ZNF880: variants seen among roughly 807,000 people sequenced by gnomAD.
ZNF880 encodes zinc finger protein LOC400713.
In ZNF880, 12 loss-of-function variants were observed where a neutral mutation model predicts 11.8. The observed-to-expected ratio is 1.02, with a 90% confidence interval of 0.65 to 1.65. The LOEUF (loss-of-function observed/expected upper bound fraction) is 1.65. Among genes scored for constraint, ZNF880 ranks in the 40% most tolerant of loss-of-function variants. The pLI is 0.00. For synonymous variants in ZNF880, 210 were observed against 232.4 expected (o/e 0.90, Z 0.88); for missense variants, 601 against 673.9 (o/e 0.89, Z 1.20).
intron 3 of ZNF880, 53 bp from the exon 4 acceptor site, chr19:52,383,796 C>G (rs1986769567): frequency 2.0e-6 from 3 of 1,476,346 alleles, no homozygotes; most frequent in Non-Finnish European, 2.7e-6. Flanking sequence ...CTGTCAGACA[C>G]TGAACATGCC....
In ZNF880 at chr19:52,373,097, GT is replaced by G; in HGVS notation, c.13-9del. ...GTGTGATATCCTGTTGGTGAAATGT[GT>G]TTTTCATTTTAGGGACACTTGGCAT... On this transcript the variant is annotated splice_polypyrimidine_tract_variant and intron_variant, in intron 1 of 3. Transcript: ENST00000422689. 1 of 1,611,372 alleles carries G rather than the reference GT, an allele frequency of 6.2e-7. No homozygotes were observed. Among genetic ancestry groups the G allele is most frequent in the South Asian group, 1.1e-5 (1 of 91,058 alleles).
At position 52,384,480 on chromosome 19, in the gene ZNF880, G is replaced by A. The variant is rs748856871; in HGVS notation, c.900G>A (p.Glu300=). The A allele has an allele frequency of 1.2e-6, 2 of 1,612,540 alleles. No individual in the cohort carries two copies. The highest frequency in any genetic ancestry group is 1.7e-6 in the Non-Finnish European group (2 of 1,179,602). Residue 300 remains glutamate (E), a synonymous_variant, in exon 4 of 4, where the codon GAG becomes GAA. Transcript: ENST00000422689. The part of the protein sequence containing the change: ...HTGEKPYKCN[E]CGKVFNRNAH... ...GAGAGAAACCTTACAAATGTAATGA[G>A]TGTGGCAAGGTCTTCAACAGAAATG...
Position 52,385,378 on chromosome 19 carries a change from T to C in ZNF880, c.*64T>C. The C allele has an allele frequency of 6.7e-7, 1 of 1,498,280 alleles. No individual in the cohort carries two copies. The highest frequency in any genetic ancestry group is 9.0e-7 in the Non-Finnish European group (1 of 1,112,264). The allele number at this position is 1,498,280 out of a possible 1,614,324, so 92.8% of individuals were successfully genotyped here. On this transcript the variant is annotated 3_prime_UTR_variant, in exon 4 of 4. Coordinates refer to ENST00000422689, the MANE Select transcript of ZNF880 (RefSeq NM_001145434.2). ...TGCACAGCATGAGATAATTCATTCA[T>C]GAGAGAGTTCTTACAAACTGAGTAT... is the stretch of plus-strand genomic sequence containing the variant.
intron 2 of ZNF880, among the ~76,000 whole-genome samples, chr19:52,373,471 T>C (rs908487664): frequency 2.0e-5 from 3 of 152,124 alleles, no homozygotes; most frequent in African/African-American, 4.8e-5. Flanking sequence ...TCTGGCCCCT[T>C]TGAGATTCAT....
intron 3 of ZNF880, among the ~76,000 whole-genome samples, chr19:52,381,490 G>A (rs1807861811): frequency 6.6e-6 from 1 of 152,112 alleles, no homozygotes; most frequent in Admixed American, 6.5e-5. Context: ...ATTAAAGGGA[G>A]TTTCTTGCAG....
rs777694875 is a variant in ZNF880 at position 52,384,116 on chromosome 19, T to C, written c.536T>C (p.Ile179Thr). 2 of 1,599,516 alleles carry C rather than the reference T, an allele frequency of 1.3e-6. No individual in the cohort carries two copies. The highest frequency in any genetic ancestry group is 1.3e-5 in the African/African-American group (1 of 74,532). ...CTCCCACAAGAACAAAAAGCACAAATAAGGGAAAAACCGTGTGAATGTAAT... is the reference window on the plus strand; with the variant it reads ...CTCCCACAAGAACAAAAAGCACAAACAAGGGAAAAACCGTGTGAATGTAAT... ...PFLPQEQKAQ[I>T]REKPCECNEH... Residue 179 changes from isoleucine to threonine, a missense_variant, in exon 4 of 4, where the codon ATA becomes ACA. By Grantham distance (89) the Ile-to-Thr change is moderately conservative (BLOSUM62 -1). Transcript: ENST00000422689.
At chr19:52,381,213 G>C (rs763445909) in intron 3 of ZNF880, among the ~76,000 whole-genome samples, 10 of 152,070 alleles carry the variant, frequency 6.6e-5, no homozygotes, top group Admixed American at 1.3e-4. Context: ...GCCTCCCAAA[G>C]GGCTGTGATT....
chr19:52,386,757 G>A (rs12977007), downstream of ZNF880, among the ~76,000 whole-genome samples: 59,773 of 128,418 alleles, frequency 0.47, 16,964 homozygotes, highest in Middle Eastern at 0.59. Context: ...AGCCAAGATC[G>A]CACCATTGCA....
chr19:52,370,259 G>T (rs771429166), intron 1 of ZNF880: 44 of 474,166 alleles, frequency 9.3e-5, no homozygotes, highest in South Asian at 3.0e-4. Flanking sequence ...GACACGGCCC[G>T]CGCTGCGTAA....
At chr19:52,379,253 T>A (rs534826120) in intron 3 of ZNF880, among the ~76,000 whole-genome samples, 1 of 152,274 alleles carries the variant, frequency 6.6e-6, no homozygotes, top group Non-Finnish European at 1.5e-5. Context: ...GCCTAGGAGT[T>A]TATGTAACAC....
intron 2 of ZNF880, among the ~76,000 whole-genome samples, chr19:52,373,885 A>G (rs908258023): frequency 6.6e-6 from 1 of 150,672 alleles, no homozygotes; most frequent in Non-Finnish European, 1.5e-5. Flanking sequence ...TGGTCAGGCT[A>G]GTCTTGAACT....
chr19:52,369,832 C>G (rs1240192446), upstream of ZNF880: 1 of 1,178,992 alleles, frequency 8.5e-7, no homozygotes, highest in Non-Finnish European at 1.2e-6. Flanking sequence ...GCCTCCAAAA[C>G]GAGACGAGCT....
intron 3 of ZNF880, among the ~76,000 whole-genome samples, chr19:52,378,505 G>A (rs1195670391): frequency 6.6e-6 from 1 of 151,986 alleles, no homozygotes; most frequent in East Asian, 1.9e-4. Flanking sequence ...AAATTAGCTG[G>A]GTGTGGTGGT....
At chr19:52,382,205 AGGG>A (rs1010938358) in intron 3 of ZNF880, among the ~76,000 whole-genome samples, 1 of 152,000 alleles carries the variant, frequency 6.6e-6, no homozygotes, top group South Asian at 2.1e-4. Context: ...TGAGCTTGGG[AGGG>A]GGAGGTTGCA....
intron 3 of ZNF880, among the ~76,000 whole-genome samples, chr19:52,380,644 G>A (rs1247282654): frequency 6.6e-6 from 1 of 152,012 alleles, no homozygotes; most frequent in African/African-American, 2.4e-5. Flanking sequence ...CACAATCATT[G>A]TCTTGTAGTG....
At chr19:52,389,111 C>G (rs996467780), downstream of ZNF880, 5 of 152,132 alleles carry the variant, frequency 3.3e-5, no homozygotes, top group African/African-American at 1.2e-4. Flanking sequence ...AGCTGCAATT[C>G]AAGATGAGAT....
chr19:52,393,900 G>A, the ZNF880 span, among the ~76,000 whole-genome samples: 67 of 141,252 alleles, frequency 4.7e-4, no homozygotes, highest in South Asian at 6.0e-3. Flanking sequence ...GCAGTGGCGC[G>A]ATCTCAGCTC....
At chr19:52,392,604 G>T in the ZNF880 span, 1 of 173,922 alleles carries the variant, frequency 5.7e-6, no homozygotes, top group Non-Finnish European at 1.4e-5. Flanking sequence ...CCCAGCCCAG[G>T]GCTTGAGTTT....
chr19:52,392,956 G>A, the ZNF880 span, among the ~76,000 whole-genome samples: 32 of 152,016 alleles, frequency 2.1e-4, no homozygotes, highest in Non-Finnish European at 2.6e-4. Flanking sequence ...CAAACTGGTG[G>A]GATTACAGGT....
Sources: allele counts gnomAD v4.1 joint callset (sites outside exome capture counted in the v4.1 genomes callset), GRCh38; gene constraint gnomAD v4.1.1; transcripts MANE v1.5; gene names NCBI Gene and HGNC (gene_info 2026-07-23, HGNC 2026-07-21).